The following SLC29A4 variants were observed in gnomAD, a reference collection of about 807,000 sequenced individuals.
SLC29A4 encodes the protein equilibrative nucleoside transporter 4.
In SLC29A4, 36 loss-of-function variants were observed where a neutral mutation model predicts 43.9. The observed-to-expected ratio is 0.82, with a 90% CI of 0.63 to 1.08. The LOEUF (loss-of-function observed/expected upper bound fraction) is 1.08. SLC29A4 is among the 50% of genes least tolerant of loss of function. The pLI is 0.00. For synonymous variants in SLC29A4, 491 were observed against 338.0 expected, an observed-to-expected ratio of 1.45 and a Z score of -4.97; for missense variants, 869 against 755.3, an observed-to-expected ratio of 1.15 and a Z score of -1.77.
rs1382086301 is a variant in SLC29A4 at position 5,300,539 on chromosome 7, C to G, written c.1327C>G (p.Leu443Val). 1.2e-6 allele frequency: 2 copies of G among 1,612,242 alleles called. No homozygotes were observed. Among genetic ancestry groups the G allele is most frequent in the Non-Finnish European group, 1.7e-6 (2 of 1,179,778 alleles). The change falls in exon 10 of 11, where the codon CTC becomes GTC. Residue 443 changes from leucine (L) to valine (V), a missense_variant. Leu to Val is a conservative substitution (Grantham distance 32, BLOSUM62 1). Transcript: ENST00000396872. The stretch of plus-strand genomic sequence containing the variant: ...CGTCTACCCCAGCGGCATGCCCGCC[C>G]TCCGTCACCCCGCCTGGCCCTGCAT... Reference protein sequence around the residue: ...LCVYPSGMPALRHPAWPCIFS... With the variant: ...LCVYPSGMPAVRHPAWPCIFS...
At chr7:5,290,298 C>T (rs1785224059) in intron 2 of SLC29A4, among the ~76,000 whole-genome samples, 1 of 152,128 alleles carries the variant, frequency 6.6e-6, no homozygotes, top group East Asian at 1.9e-4. Flanking sequence ...CTCCTGACCT[C>T]GTGATCCGCC....
At chr7:5,292,253 G>C (rs1340661499) in intron 5 of SLC29A4, among the ~76,000 whole-genome samples, 4 of 152,092 alleles carry the variant, frequency 2.6e-5, no homozygotes, top group Non-Finnish European at 4.4e-5. Context: ...TAGGACCTCA[G>C]GCACATGCCA....
chr7:5,293,297 G>T (rs1022905629), intron 5 of SLC29A4, among the ~76,000 whole-genome samples: 1 of 148,724 alleles, frequency 6.7e-6, no homozygotes, highest in Admixed American at 6.8e-5. Flanking sequence ...TCAGCCTCCC[G>T]AGTAGCTGGG....
intron 4 of SLC29A4, among the ~76,000 whole-genome samples, 185 bp downstream of exon 4, chr7:5,291,422 C>A (rs1284776150): frequency 6.6e-6 from 1 of 152,252 alleles, no homozygotes; most frequent in Non-Finnish European, 1.5e-5. Flanking sequence ...AGTCATGTCC[C>A]TGGGCCTTGC....
intron 6 of SLC29A4, among the ~76,000 whole-genome samples, chr7:5,295,686 C>T (rs2128089888): frequency 7.2e-6 from 1 of 139,448 alleles, no homozygotes; most frequent in Middle Eastern, 3.6e-3. Context: ...ACCCACTTGG[C>T]CCTGGCTCGT....
At chr7:5,284,030 C>T (rs1424729434) in intron 1 of SLC29A4, among the ~76,000 whole-genome samples, 1 of 93,836 alleles carries the variant, frequency 1.1e-5, no homozygotes, top group Non-Finnish European at 2.1e-5. Flanking sequence ...CTGAGCTGCA[C>T]GACCCCCCCC....
intron 10 of SLC29A4, among the ~76,000 whole-genome samples, chr7:5,301,179 A>G (rs1335013993): frequency 6.6e-6 from 1 of 151,606 alleles, no homozygotes; most frequent in Non-Finnish European, 1.5e-5. Context: ...TGGGAGGATC[A>G]CTTGAGCCCA....
At chr7:5,299,470 TG>T (rs1344124854) in intron 9 of SLC29A4, 43 bp downstream of exon 9, 2 of 1,582,948 alleles carry the variant, frequency 1.3e-6, no homozygotes, top group South Asian at 1.2e-5. Context: ...CGCCATGGGG[TG>T]GGGGTGACAA....
chr7:5,299,455 G>C, intron 9 of SLC29A4, 28 bp downstream of exon 9: 1 of 1,598,380 alleles, frequency 6.3e-7, no homozygotes, highest in African/African-American at 1.3e-5. Flanking sequence ...CCCGGTGTCG[G>C]GGGACGCCAT....
At chr7:5,288,298 C>CTGTT (rs1322169694) in intron 2 of SLC29A4, among the ~76,000 whole-genome samples, 1 of 68,754 alleles carries the variant, frequency 1.5e-5, no homozygotes, top group African/African-American at 5.9e-5. Flanking sequence ...CGTACAGCTT[C>CTGTT]TTTTTTTTTT....
chr7:5,297,133 C>T lies in SLC29A4; in HGVS notation c.817C>T (p.Pro273Ser). 2.5e-6 allele frequency: 4 copies of T among 1,605,710 alleles called. No homozygotes were observed. Among genetic ancestry groups the T allele is most frequent in the Middle Eastern group, 1.7e-4 (1 of 5,748 alleles). Reference protein sequence around the residue: ...TRPRDSHRGRPGLGRGYGYRV... With the variant: ...TRPRDSHRGRSGLGRGYGYRV... The stretch of plus-strand genomic sequence containing the variant: ...GCCGCGTGACAGCCACCGGGGCAGG[C>T]CAGGCCTGGGCAGGGGCTATGGCTA... The change falls in exon 7 of 11, where the codon CCA (proline) becomes TCA (serine). Residue 273 changes from proline to serine, a missense_variant. By Grantham distance (74) the Pro-to-Ser change is moderately conservative (BLOSUM62 -1). Coordinates refer to ENST00000396872, the MANE Select transcript of SLC29A4 (RefSeq NM_153247.4).
In SLC29A4 at chr7:5,305,509, C is replaced by T. The variant is rs1431481546; in HGVS notation, c.*2570C>T. The T allele has an allele frequency of 4.1e-5, 6 of 147,982 alleles. No individual in the cohort carries two copies. Among genetic ancestry groups the T allele is most frequent in the African/African-American group, 1.5e-4 (6 of 40,074 alleles). The allele number at this position is 147,982 out of a possible 1,614,324, so 9.2% of individuals were successfully genotyped here. ...CCACTCTTAGCATTAGTATCATTTT[C>T]TTCTAGTATCATTTTGTGGTAGGCA... On this transcript the variant is annotated 3_prime_UTR_variant, in exon 11 of 11. Transcript: ENST00000396872.
intron 1 of SLC29A4, among the ~76,000 whole-genome samples, chr7:5,284,660 G>A (rs1784849767): frequency 6.6e-6 from 1 of 152,148 alleles, no homozygotes; most frequent in Non-Finnish European, 1.5e-5. Flanking sequence ...GTGGGGGGCC[G>A]GGAAGGACAG....
At chr7:5,287,760 T>C in intron 1 of SLC29A4, 49 bp from the exon 2 acceptor site, 1 of 1,571,640 alleles carries the variant, frequency 6.4e-7, no homozygotes, top group Non-Finnish European at 8.6e-7. Context: ...GAGCCATGGA[T>C]CCCTCAGCCT....
In SLC29A4 at chr7:5,284,469, C is replaced by G. The variant is rs142917403; in HGVS notation, c.-9+1387C>G. 2.4e-3 allele frequency among the ~76,000 whole-genome samples: 359 copies of G among 152,354 alleles called. 2 individuals are homozygous for G. The highest frequency in any genetic ancestry group is 7.6e-3 in the African/African-American group (315 of 41,576). On this transcript the variant is annotated intron_variant, in intron 1 of 10. Coordinates refer to ENST00000396872, the MANE Select transcript of SLC29A4 (RefSeq NM_153247.4). ...TCAAGGCCAAAAAAATGACCTGTGT[C>G]TTCTCAAGGGCCCCCTGGGTCAGGC...
intron 2 of SLC29A4, 72 bp downstream of exon 2, chr7:5,288,057 C>T (rs1003845000): frequency 1.3e-6 from 2 of 1,493,422 alleles, no homozygotes; most frequent in Non-Finnish European, 1.8e-6. Flanking sequence ...CCAGTGAAGC[C>T]TTGCGGTATC....
At chr7:5,288,187 C>G (rs1011034391) in intron 2 of SLC29A4, among the ~76,000 whole-genome samples, 2 of 151,962 alleles carry the variant, frequency 1.3e-5, no homozygotes, top group African/African-American at 4.8e-5. Context: ...CATGTCCCTG[C>G]TGGGGGCCCT....
At chr7:5,298,346 C>T (rs1583673938) in intron 7 of SLC29A4, among the ~76,000 whole-genome samples, 2 of 152,042 alleles carry the variant, frequency 1.3e-5, no homozygotes, top group African/African-American at 4.8e-5. Flanking sequence ...GAGGGAAAAG[C>T]GTGTGCGGTG....
chr7:5,291,337 C>G, intron 4 of SLC29A4, 100 bp downstream of exon 4: 1 of 1,161,782 alleles, frequency 8.6e-7, no homozygotes, highest in East Asian at 2.6e-5. Context: ...CTCCCCTCGT[C>G]TGTAAAATGG....
Sources: allele counts gnomAD v4.1 joint callset (sites outside exome capture counted in the v4.1 genomes callset), GRCh38; gene constraint gnomAD v4.1.1; transcripts MANE v1.5; gene names NCBI Gene and HGNC (gene_info 2026-07-23, HGNC 2026-07-21).